IQCJ: variants seen among roughly 807,000 people sequenced by gnomAD.
IQCJ encodes IQ domain-containing protein J.
Under a neutral mutation model 11.0 loss-of-function variants are expected in IQCJ, and 9 were observed. The ratio of observed to expected loss-of-function variants is 0.82; its 90% confidence interval spans 0.49 to 1.43. The LOEUF is 1.43. IQCJ is among the 40% of genes most tolerant of loss of function. IQCJ has a pLI of 0.00. For synonymous variants in IQCJ, 55 were observed against 51.3 expected, an observed-to-expected ratio of 1.07 and a Z score of -0.31; for missense variants, 146 against 133.2, an observed-to-expected ratio of 1.10 and a Z score of -0.47.
chr3:159,174,379 G>T (rs1722659096), intron 1 of IQCJ, among the ~76,000 whole-genome samples: 1 of 151,936 alleles, frequency 6.6e-6, no homozygotes, highest in South Asian at 2.1e-4. Context: ...GTGCAAATGG[G>T]TGGATTAAAA....
intron 1 of IQCJ, among the ~76,000 whole-genome samples, chr3:159,113,605 A>G (rs1361055714): frequency 6.6e-6 from 1 of 152,180 alleles, no homozygotes; most frequent in African/African-American, 2.4e-5. Flanking sequence ...TGCCCTTACA[A>G]CACCTACAAT....
Position 159,224,043 on chromosome 3 carries a change from A to G in IQCJ, c.10-21800A>G, listed in dbSNP as rs150858942. Among the ~76,000 whole-genome samples the G allele has an allele frequency of 3.9e-4, 60 of 152,092 alleles. No individual in the cohort carries two copies. The East Asian group carries it at 9.3e-3, about 24-fold the overall frequency. ...AATGATCATTTATACACCCCAGATT[A>G]TAATATTAAAATATCATTTCCCACT... On this transcript the variant is annotated intron_variant, in intron 1 of 3. Transcript: ENST00000397832.
chr3:159,156,329 C>T (rs1030632417), intron 1 of IQCJ, among the ~76,000 whole-genome samples: 2 of 152,068 alleles, frequency 1.3e-5, no homozygotes, highest in Admixed American at 1.3e-4. Flanking sequence ...GGAAGACTTC[C>T]TGAAGGAGGT....
intron 1 of IQCJ, among the ~76,000 whole-genome samples, chr3:159,232,870 CT>C (rs906663714): frequency 5.9e-5 from 9 of 152,168 alleles, no homozygotes; most frequent in Non-Finnish European, 1.2e-4. Context: ...CTAAAGAGGA[CT>C]TTAAATGAAA....
chr3:159,109,952 CTT>C (rs1718523115), intron 1 of IQCJ, among the ~76,000 whole-genome samples: 1 of 152,140 alleles, frequency 6.6e-6, no homozygotes, highest in Non-Finnish European at 1.5e-5. Context: ...TCACTCCTAA[CTT>C]TTGTGACATT....
intron 3 of IQCJ, among the ~76,000 whole-genome samples, chr3:159,261,828 C>G (rs958697627): frequency 6.8e-6 from 1 of 148,130 alleles, no homozygotes; most frequent in Non-Finnish European, 1.5e-5. Context: ...TAGGCGAAAC[C>G]TGAAATAGCT....
chr3:159,219,271 A>G (rs1253603701), intron 1 of IQCJ, among the ~76,000 whole-genome samples: 1 of 152,186 alleles, frequency 6.6e-6, no homozygotes, highest in Non-Finnish European at 1.5e-5. Context: ...CTGAGGAAAT[A>G]AAACTACAGA....
At chr3:159,261,394 T>C (rs1392693126) in intron 3 of IQCJ, among the ~76,000 whole-genome samples, 2 of 152,242 alleles carry the variant, frequency 1.3e-5, no homozygotes, top group Non-Finnish European at 1.5e-5. Flanking sequence ...CAGTCTGATA[T>C]GATTTGGCTC....
chr3:159,237,890 A>G (rs931579622), intron 1 of IQCJ, among the ~76,000 whole-genome samples: 2 of 152,240 alleles, frequency 1.3e-5, no homozygotes, highest in Non-Finnish European at 2.9e-5. Context: ...TAGAAAAAGA[A>G]TTGCAAAGAC....
chr3:159,113,879 A>G (rs1718788482), intron 1 of IQCJ, among the ~76,000 whole-genome samples: 1 of 152,052 alleles, frequency 6.6e-6, no homozygotes, highest in African/African-American at 2.4e-5. Flanking sequence ...TTCTTTTTAT[A>G]CATTGAAAAA....
At chr3:159,110,644 C>T (rs560061780) in intron 1 of IQCJ, among the ~76,000 whole-genome samples, 3 of 152,072 alleles carry the variant, frequency 2.0e-5, no homozygotes, top group South Asian at 4.2e-4. Flanking sequence ...TAGGAGGGGC[C>T]GTCTTTCTTA....
At chr3:159,252,854 G>A (rs1727683565) in intron 3 of IQCJ, 47 bp downstream of exon 3, 4 of 1,555,538 alleles carry the variant, frequency 2.6e-6, no homozygotes, top group Middle Eastern at 3.4e-4. Flanking sequence ...CTAGTTTTAT[G>A]AATTCCTGAA....
chr3:159,199,644 G>C (rs551626994), intron 1 of IQCJ, among the ~76,000 whole-genome samples: 2 of 152,284 alleles, frequency 1.3e-5, no homozygotes, highest in South Asian at 4.2e-4. Context: ...GATGGGTTAT[G>C]AGGGTACTAC....
intron 1 of IQCJ, among the ~76,000 whole-genome samples, chr3:159,233,629 G>T (rs1225645369): frequency 6.6e-6 from 1 of 152,124 alleles, no homozygotes; most frequent in African/African-American, 2.4e-5. Flanking sequence ...GGTACAATTA[G>T]TGTCCCCATT....
intron 1 of IQCJ, among the ~76,000 whole-genome samples, chr3:159,158,078 A>C (rs1721633875): frequency 6.6e-6 from 1 of 152,208 alleles, no homozygotes; most frequent in Non-Finnish European, 1.5e-5. Flanking sequence ...GGTCAAAGAG[A>C]ATATTTATTT....
chr3:159,112,426 G>A (rs1718687522), intron 1 of IQCJ, among the ~76,000 whole-genome samples: 2 of 152,140 alleles, frequency 1.3e-5, no homozygotes, highest in South Asian at 4.1e-4. Context: ...CTTGTTGGAA[G>A]TTGTAGTCTT....
Position 159,245,846 on chromosome 3 carries a change from G to A in IQCJ, c.13G>A (p.Glu5Lys), listed in dbSNP as rs189321687. The change falls in exon 2 of 4, where the codon GAA (glutamate) becomes AAA (lysine). Residue 5 changes from glutamate (E) to lysine (K), a missense_variant. Physicochemically the swap from Glu to Lys is moderately conservative, Grantham distance 56. Transcript: ENST00000397832. ...ATATATCTTCTCTTTTTCACAGGAAGAACTGAAAAGATTGCAGAATCCTCT... is the reference window on the plus strand; with the variant it reads ...ATATATCTTCTCTTTTTCACAGGAAAAACTGAAAAGATTGCAGAATCCTCT... MRLE[E>K]LKRLQNPLEQ... The A allele has an allele frequency of 1.2e-5, 19 of 1,545,354 alleles. No homozygotes were observed. The Admixed American group carries it at 3.7e-4, about 30-fold the overall frequency.
intron 1 of IQCJ, among the ~76,000 whole-genome samples, chr3:159,241,272 G>A (rs1726905474): frequency 6.6e-6 from 1 of 151,896 alleles, no homozygotes; most frequent in Non-Finnish European, 1.5e-5. Flanking sequence ...AGCTGGGTAT[G>A]GTGGTGGGTG....
chr3:159,113,694 C>A (rs936144708), intron 1 of IQCJ, among the ~76,000 whole-genome samples: 2 of 152,180 alleles, frequency 1.3e-5, no homozygotes, highest in Non-Finnish European at 2.9e-5. Context: ...GATGCTGGGG[C>A]AGGCAAGTGC....
Sources: allele counts gnomAD v4.1 joint callset (sites outside exome capture counted in the v4.1 genomes callset), GRCh38; gene constraint gnomAD v4.1.1; transcripts MANE v1.5; gene names NCBI Gene and HGNC (gene_info 2026-07-23, HGNC 2026-07-21).